Variants in INPP4B observed in about 807,000 individuals in gnomAD.
INPP4B encodes the protein inositol polyphosphate-4-phosphatase type II B.
A neutral mutation model predicts 122.5 loss-of-function variants in INPP4B; 55 were observed. The observed-to-expected ratio is 0.45, with a 90% confidence interval of 0.36 to 0.56. The LOEUF is 0.56. INPP4B is among the 20% of genes least tolerant of loss of function. INPP4B has a pLI of 0.00. For synonymous variants in INPP4B, 403 were observed against 388.7 expected, an observed-to-expected ratio of 1.04 and a Z score of -0.43; for missense variants, 1,000 against 1,097.7, an observed-to-expected ratio of 0.91 and a Z score of 1.26.
intron 21 of INPP4B, among the ~76,000 whole-genome samples, chr4:142,116,808 G>C (rs1415337192): frequency 6.6e-6 from 1 of 151,976 alleles, no homozygotes; most frequent in African/African-American, 2.4e-5. Context: ...AAATAACTAA[G>C]ATCAGAGCAG....
intron 2 of INPP4B, among the ~76,000 whole-genome samples, chr4:142,602,470 A>T (rs1401015618): frequency 1.3e-5 from 2 of 152,220 alleles, no homozygotes; most frequent in African/African-American, 2.4e-5. Context: ...AGAATTAGAA[A>T]AAACTATTTT....
intron 7 of INPP4B, among the ~76,000 whole-genome samples, chr4:142,384,840 C>T (rs889685525): frequency 4.6e-5 from 7 of 152,102 alleles, no homozygotes; most frequent in African/African-American, 1.7e-4. Flanking sequence ...CTCCCACCCT[C>T]AACCATGTGG....
At chr4:142,213,195 C>T (rs1371737850) in intron 12 of INPP4B, among the ~76,000 whole-genome samples, 1 of 152,120 alleles carries the variant, frequency 6.6e-6, no homozygotes, top group Admixed American at 6.5e-5. Flanking sequence ...ATATCTAGAC[C>T]ATAATTCACC....
chr4:142,099,779 G>A (rs992817417), intron 23 of INPP4B, among the ~76,000 whole-genome samples: 4 of 152,012 alleles, frequency 2.6e-5, no homozygotes, highest in Non-Finnish European at 5.9e-5. Flanking sequence ...TTTTGCTTAG[G>A]TCATTCAACT....
chr4:142,119,020 A>G (rs1474671505), intron 21 of INPP4B, among the ~76,000 whole-genome samples: 1 of 152,244 alleles, frequency 6.6e-6, no homozygotes, highest in Non-Finnish European at 1.5e-5. Context: ...GAAGACATTT[A>G]TGCAGCCAAC....
intron 10 of INPP4B, among the ~76,000 whole-genome samples, chr4:142,263,968 A>C (rs946541352): frequency 6.6e-6 from 1 of 151,946 alleles, no homozygotes; most frequent in Non-Finnish European, 1.5e-5. Context: ...GTGAGCAAAA[A>C]ATAGGAGCTG....
intron 8 of INPP4B, among the ~76,000 whole-genome samples, chr4:142,314,130 T>G (rs1766587772): frequency 6.6e-6 from 1 of 152,154 alleles, no homozygotes; most frequent in Non-Finnish European, 1.5e-5. Context: ...GGCTATATCT[T>G]TTAGGAGCTG....
intron 1 of INPP4B, among the ~76,000 whole-genome samples, chr4:142,808,134 A>G (rs1779081232): frequency 6.6e-6 from 1 of 152,110 alleles, no homozygotes; most frequent in South Asian, 2.1e-4. Context: ...ACGAAAAGAA[A>G]CAAAGAAAAA....
intron 2 of INPP4B, among the ~76,000 whole-genome samples, chr4:142,669,012 C>T (rs558053466): frequency 2.0e-4 from 31 of 152,084 alleles, no homozygotes; most frequent in East Asian, 5.8e-4. Flanking sequence ...GCGGAGATTG[C>T]GCCACTGTGC....
At chr4:142,707,659 C>T (rs957078857) in intron 2 of INPP4B, among the ~76,000 whole-genome samples, 1 of 152,246 alleles carries the variant, frequency 6.6e-6, no homozygotes, top group Non-Finnish European at 1.5e-5. Flanking sequence ...GAGGTTTCCC[C>T]AGCCATGCTT....
chr4:142,574,667 T>C (rs1733482067), intron 2 of INPP4B, among the ~76,000 whole-genome samples: 1 of 152,114 alleles, frequency 6.6e-6, no homozygotes. Flanking sequence ...AACACAAATA[T>C]CTTCTCCTCA....
Position 142,260,575 on chromosome 4 carries a change from ATG to A in INPP4B, c.616-13_616-12del. 1.3e-6 allele frequency: 2 copies of A among 1,506,866 alleles called. No individual in the cohort carries two copies. The highest frequency in any genetic ancestry group is 9.0e-7 in the Non-Finnish European group (1 of 1,113,884). The allele number at this position is 1,506,866 out of a possible 1,614,324, so 93.3% of individuals were successfully genotyped here. The stretch of plus-strand genomic sequence containing the variant: ...ACATACCAGGGCACACTAGGAAAAA[ATG>A]TAAAAAAAAAAAAAAAATTTTGAGA... On this transcript the variant is annotated splice_polypyrimidine_tract_variant and intron_variant, in intron 10 of 25. Coordinates refer to ENST00000262992, the MANE Select transcript of INPP4B (RefSeq NM_001101669.3).
intron 16 of INPP4B, among the ~76,000 whole-genome samples, chr4:142,162,738 C>T (rs1397949029): frequency 1.3e-5 from 2 of 151,862 alleles, no homozygotes; most frequent in South Asian, 2.1e-4. Flanking sequence ...GTTGATTTAC[C>T]ACCAAAGGCA....
chr4:142,664,968 T>C (rs946227935), intron 2 of INPP4B, among the ~76,000 whole-genome samples: 12 of 152,216 alleles, frequency 7.9e-5, no homozygotes, highest in African/African-American at 2.9e-4. Context: ...CAATTGCTCC[T>C]AGGCTACAAA....
At chr4:142,541,751 C>G (rs1412299196) in intron 2 of INPP4B, among the ~76,000 whole-genome samples, 1 of 152,166 alleles carries the variant, frequency 6.6e-6, no homozygotes, top group African/African-American at 2.4e-5. Flanking sequence ...CTCACACACT[C>G]AACTCCTATA....
At chr4:142,504,598 G>A (rs1823773903) in intron 2 of INPP4B, among the ~76,000 whole-genome samples, 1 of 152,194 alleles carries the variant, frequency 6.6e-6, no homozygotes, top group South Asian at 2.1e-4. Flanking sequence ...TTAAGCAAAT[G>A]CTCATATATA....
At chr4:142,416,307 A>C (rs2149277888) in intron 5 of INPP4B, among the ~76,000 whole-genome samples, 1 of 152,214 alleles carries the variant, frequency 6.6e-6, no homozygotes, top group South Asian at 2.1e-4. Flanking sequence ...TTCAATCCAG[A>C]TGACTTCCCA....
At chr4:142,387,772 G>T (rs1317184642) in intron 7 of INPP4B, among the ~76,000 whole-genome samples, 1 of 152,140 alleles carries the variant, frequency 6.6e-6, no homozygotes, top group East Asian at 1.9e-4. Flanking sequence ...AATCTGGTGT[G>T]CTTTGTGTGT....
intron 1 of INPP4B, among the ~76,000 whole-genome samples, chr4:142,805,726 T>C (rs1778597920): frequency 6.6e-6 from 1 of 152,240 alleles, no homozygotes; most frequent in Admixed American, 6.5e-5. Flanking sequence ...TCTAGCTTAA[T>C]TTATTGTAAG....
Sources: gnomAD v4.1 joint callset for allele counts (sites outside exome capture counted in the v4.1 genomes callset) on GRCh38, gnomAD v4.1.1 for gene constraint, MANE v1.5 for transcripts, NCBI Gene and HGNC (gene_info 2026-07-23, HGNC 2026-07-21) for gene names.